The following EYA2 variants were observed in gnomAD, a reference collection of about 807,000 sequenced individuals.
The protein encoded by EYA2 is EYA transcriptional coactivator and phosphatase 2, also known as protein phosphatase EYA2.
In EYA2, 31 loss-of-function variants were observed where a neutral mutation model predicts 69.2. The ratio of observed to expected loss-of-function variants is 0.45; its 90% CI spans 0.34 to 0.60. The LOEUF is 0.60. EYA2 is among the 20% of genes least tolerant of loss of function. EYA2 has a pLI of 0.02. For missense variants in EYA2, 622 were observed against 701.2 expected (o/e 0.89, Z 1.28); for synonymous variants, 257 against 279.4 (o/e 0.92, Z 0.80).
chr20:47,038,280 A>G (rs990454484), intron 5 of EYA2, among the ~76,000 whole-genome samples: 7 of 152,088 alleles, frequency 4.6e-5, no homozygotes, highest in Non-Finnish European at 7.4e-5. Context: ...TGGGAGGATC[A>G]CTTGAACCCA....
At chr20:46,987,928 CTCTCTCT>C (rs1568706932) in intron 1 of EYA2, among the ~76,000 whole-genome samples, 18 of 29,202 alleles carry the variant, frequency 6.2e-4, no homozygotes, top group Non-Finnish European at 8.8e-4. Flanking sequence ...CTCTCTCTCT[CTCTCTCT>C]CTCTCTCTCT....
chr20:47,139,012 G>A (rs2146592510), intron 9 of EYA2, among the ~76,000 whole-genome samples: 1 of 152,244 alleles, frequency 6.6e-6, no homozygotes, highest in South Asian at 2.1e-4. Flanking sequence ...ATTTTTTGAT[G>A]TGTCCCTGTT....
At chr20:47,074,797 T>C (rs1444985939) in intron 7 of EYA2, among the ~76,000 whole-genome samples, 1 of 152,000 alleles carries the variant, frequency 6.6e-6, no homozygotes, top group Non-Finnish European at 1.5e-5. Flanking sequence ...GGCCTTGGAG[T>C]TGATGAACCC....
At chr20:46,914,043 C>T (rs1309582493) in intron 1 of EYA2, among the ~76,000 whole-genome samples, 1 of 152,164 alleles carries the variant, frequency 6.6e-6, no homozygotes, top group South Asian at 2.1e-4. Context: ...TTTCTCAGTC[C>T]CGTTCCTCCT....
intron 10 of EYA2, among the ~76,000 whole-genome samples, chr20:47,163,698 C>CA (rs11471495): frequency 0.33 from 28,171 of 85,452 alleles, 4,718 homozygotes; most frequent in Non-Finnish European, 0.41. Flanking sequence ...AACACTGTCT[C>CA]AAAAAAAAAA....
intron 1 of EYA2, among the ~76,000 whole-genome samples, chr20:46,932,109 T>C (rs1985695348): frequency 6.6e-6 from 1 of 151,598 alleles, no homozygotes; most frequent in Non-Finnish European, 1.5e-5. Context: ...GTCGTTTGTT[T>C]TTCATTTCAT....
At chr20:47,148,582 C>G (rs963759580) in intron 10 of EYA2, among the ~76,000 whole-genome samples, 1 of 151,900 alleles carries the variant, frequency 6.6e-6, no homozygotes, top group African/African-American at 2.4e-5. Context: ...GCAGACCAGG[C>G]CTGGGTCCCA....
intron 9 of EYA2, among the ~76,000 whole-genome samples, chr20:47,117,920 A>G (rs1000883552): frequency 5.9e-5 from 9 of 152,216 alleles, no homozygotes; most frequent in African/African-American, 2.4e-5. Flanking sequence ...CTTTAACGAG[A>G]AAACCTTCCA....
At chr20:46,916,737 G>A (rs907439864) in intron 1 of EYA2, among the ~76,000 whole-genome samples, 1 of 152,112 alleles carries the variant, frequency 6.6e-6, no homozygotes, top group African/African-American at 2.4e-5. Context: ...AGAGCTCGGG[G>A]TGCTAGGCTT....
At chr20:47,079,060 G>A (rs1485834354) in intron 7 of EYA2, among the ~76,000 whole-genome samples, 1 of 152,104 alleles carries the variant, frequency 6.6e-6, no homozygotes, top group African/African-American at 2.4e-5. Flanking sequence ...TGTACTGTTA[G>A]TACATAAATA....
At chr20:47,088,482 C>T (rs1374262348) in intron 7 of EYA2, among the ~76,000 whole-genome samples, 1 of 152,160 alleles carries the variant, frequency 6.6e-6, no homozygotes, top group African/African-American at 2.4e-5. Context: ...ATTACAGCAT[C>T]CAGTGGCCCC....
At chr20:47,107,922 T>G (rs115750092) in intron 9 of EYA2, among the ~76,000 whole-genome samples, 2,751 of 152,090 alleles carry the variant, frequency 0.018, 96 homozygotes, top group African/African-American at 0.063. Context: ...AAGCTAAATT[T>G]TGAATAAGGC....
chr20:47,138,712 G>A (rs766567989), intron 9 of EYA2, among the ~76,000 whole-genome samples: 1 of 151,498 alleles, frequency 6.6e-6, no homozygotes, highest in Non-Finnish European at 1.5e-5. Context: ...CCAAGATTGT[G>A]CCACTCTACT....
At chr20:46,943,338 G>T (rs1986234612) in intron 1 of EYA2, among the ~76,000 whole-genome samples, 1 of 152,182 alleles carries the variant, frequency 6.6e-6, no homozygotes, top group African/African-American at 2.4e-5. Context: ...TAGAGTATTG[G>T]CTTCAGCATA....
chr20:47,001,945 T>A (rs373214401), intron 3 of EYA2, among the ~76,000 whole-genome samples: 4 of 151,642 alleles, frequency 2.6e-5, no homozygotes, highest in Non-Finnish European at 5.9e-5. Context: ...ATTTTTTTTT[T>A]CTCCGAGACA....
At chr20:47,174,494 TCA>T (rs1246860057) in intron 12 of EYA2, among the ~76,000 whole-genome samples, 1 of 152,214 alleles carries the variant, frequency 6.6e-6, no homozygotes, top group South Asian at 2.1e-4. Flanking sequence ...CGAGTTGCTC[TCA>T]GTTTTGCTTG....
In EYA2 at chr20:47,031,172, A is replaced by T. The variant is rs1007747519; in HGVS notation, c.415+14875A>T. On this transcript the variant is annotated intron_variant, in intron 5 of 15. Transcript: ENST00000327619. ...ATGTAACAAAGAGAAACCAGGAAGG[A>T]CGCCAGGCTCTCTGAGGAAGTGACA... 5.9e-5 allele frequency among the ~76,000 whole-genome samples: 9 copies of T among 152,338 alleles called. No homozygotes were observed. In the East Asian group the frequency reaches 1.7e-3, roughly 29 times the overall value.
intron 1 of EYA2, among the ~76,000 whole-genome samples, chr20:46,919,043 G>T (rs893673751): frequency 2.6e-5 from 4 of 152,220 alleles, no homozygotes; most frequent in African/African-American, 4.8e-5. Flanking sequence ...TGAGCAGCAG[G>T]TCTCAACAGT....
At chr20:47,103,828 C>G (rs1204017821) in intron 9 of EYA2, among the ~76,000 whole-genome samples, 1 of 152,206 alleles carries the variant, frequency 6.6e-6, no homozygotes, top group Non-Finnish European at 1.5e-5. Flanking sequence ...CATGGATAAA[C>G]TATATTTTGT....
Sources: allele counts gnomAD v4.1 joint callset (sites outside exome capture counted in the v4.1 genomes callset), GRCh38; gene constraint gnomAD v4.1.1; transcripts MANE v1.5; gene names NCBI Gene and HGNC (gene_info 2026-07-23, HGNC 2026-07-21).